Variants in SPC25 observed in about 807,000 individuals in gnomAD.
SPC25 encodes kinetochore protein Spc25.
SPC25 carries 22 observed loss-of-function variants against 29.6 expected under a neutral mutation model. The observed-to-expected ratio is 0.74, with a 90% CI of 0.53 to 1.06. The LOEUF (loss-of-function observed/expected upper bound fraction) is 1.06, where lower values mean the gene tolerates loss of function less well. SPC25 is among the 50% of genes least tolerant of loss of function. SPC25 has a pLI of 0.00. For synonymous variants in SPC25, 91 were observed against 90.4 expected (o/e 1.01, Z -0.04); for missense variants, 230 against 255.8 (o/e 0.90, Z 0.69).
intron 3 of SPC25, among the ~76,000 whole-genome samples, chr2:168,887,983 A>C (rs1034007060): frequency 3.9e-5 from 6 of 152,242 alleles, no homozygotes; most frequent in African/African-American, 1.4e-4. Context: ...AACATTCAAA[A>C]ACACAATACT....
chr2:168,865,668 G>A (rs1030426157), intron 4 of SPC25, among the ~76,000 whole-genome samples: 4 of 152,156 alleles, frequency 2.6e-5, no homozygotes, highest in Admixed American at 2.0e-4. Context: ...TAGGAAAAGA[G>A]GAAGTCAAAT....
downstream of SPC25, among the ~76,000 whole-genome samples, chr2:168,868,340 G>A (rs550360445): frequency 1.1e-3 from 163 of 152,164 alleles, no homozygotes; most frequent in African/African-American, 3.7e-3. Context: ...CAAAAGGCAA[G>A]AAATAACTAA....
downstream of SPC25, among the ~76,000 whole-genome samples, chr2:168,867,332 G>A (rs899592294): frequency 2.0e-5 from 3 of 152,042 alleles, no homozygotes; most frequent in East Asian, 1.9e-4. Flanking sequence ...ATCAACTAAC[G>A]AGCAAAATAA....
At chr2:168,873,467 A>G in intron 6 of SPC25, 118 bp downstream of exon 6, 4 of 663,506 alleles carry the variant, frequency 6.0e-6, no homozygotes, top group South Asian at 3.7e-5. Context: ...AGCAAGACTG[A>G]AAAAGGAAGC....
chr2:168,886,111 T>C (rs1690257983), intron 3 of SPC25, among the ~76,000 whole-genome samples: 3 of 137,714 alleles, frequency 2.2e-5, no homozygotes, highest in Non-Finnish European at 3.0e-5. Flanking sequence ...TGGAGTGAAG[T>C]GGCATGATCA....
chr2:168,875,936 A>T (rs989287653), intron 5 of SPC25, 136 bp downstream of exon 5: 74 of 464,640 alleles, frequency 1.6e-4, no homozygotes, highest in Non-Finnish European at 2.3e-4. Flanking sequence ...TAATTTAAAA[A>T]TTGTAATTTT....
At chr2:168,886,581 G>A (rs1429276970) in intron 3 of SPC25, among the ~76,000 whole-genome samples, 2 of 150,516 alleles carry the variant, frequency 1.3e-5, no homozygotes, top group African/African-American at 2.5e-5. Context: ...GTGCAGTGGC[G>A]CGATCTGGGC....
At chr2:168,863,582 T>C (rs1292081481) in intron 4 of SPC25, 1 of 984,956 alleles carries the variant, frequency 1.0e-6, no homozygotes, top group Non-Finnish European at 1.2e-6. Flanking sequence ...AAAAATATTG[T>C]CTCCAAATTG....
intron 3 of SPC25, among the ~76,000 whole-genome samples, chr2:168,888,992 T>TAC (rs1690328498): frequency 9.2e-6 from 1 of 109,074 alleles, no homozygotes; most frequent in Admixed American, 9.1e-5. Flanking sequence ...CATATATATG[T>TAC]ATATATATAC....
At chr2:168,872,775 GA>G (rs1294645596) in intron 6 of SPC25, among the ~76,000 whole-genome samples, 3 of 151,998 alleles carry the variant, frequency 2.0e-5, no homozygotes, top group Admixed American at 6.6e-5. Context: ...TATCTAGAGA[GA>G]AAAAAACCCA....
chr2:168,870,017 C>A (rs1439141763), downstream of SPC25, among the ~76,000 whole-genome samples: 3 of 152,104 alleles, frequency 2.0e-5, no homozygotes. Flanking sequence ...AGATATAGAC[C>A]AATGGAACAG....
chr2:168,865,053 TTA>T, intron 4 of SPC25: 1 of 1,452,366 alleles, frequency 6.9e-7, no homozygotes, highest in Non-Finnish European at 9.4e-7. Flanking sequence ...GCTCTTACCT[TTA>T]CATGTTTTTC....
chr2:168,868,679 G>A (rs201459689), downstream of SPC25, among the ~76,000 whole-genome samples: 17 of 152,090 alleles, frequency 1.1e-4, no homozygotes, highest in East Asian at 5.8e-4. Flanking sequence ...CTCTGAATAG[G>A]CCAATAACAG....
At chr2:168,890,019 A>C (rs1252869754) in intron 1 of SPC25, among the ~76,000 whole-genome samples, 1 of 152,130 alleles carries the variant, frequency 6.6e-6, no homozygotes, top group Non-Finnish European at 1.5e-5. Context: ...TCGAGGATGT[A>C]TACAAGTCAC....
chr2:168,885,545 T>C (rs560324247), intron 3 of SPC25, among the ~76,000 whole-genome samples: 3 of 152,296 alleles, frequency 2.0e-5, no homozygotes, highest in South Asian at 2.1e-4. Context: ...TTGCACAACA[T>C]GGAATGTCCA....
intron 4 of SPC25, chr2:168,865,095 G>A (rs1256229142): frequency 9.2e-6 from 9 of 977,104 alleles, no homozygotes; most frequent in Non-Finnish European, 1.0e-5. Flanking sequence ...CTACCTGCAT[G>A]TCACAGCACT....
chr2:168,863,301 C>A, intron 4 of SPC25: 1 of 600,854 alleles, frequency 1.7e-6, no homozygotes, highest in Non-Finnish European at 2.1e-6. Context: ...AGAATAATGT[C>A]CTTTAAGAAT....
chr2:168,865,145 G>A, intron 4 of SPC25: 1 of 697,934 alleles, frequency 1.4e-6, no homozygotes, highest in Non-Finnish European at 2.3e-6. Context: ...TCAGAAAAAA[G>A]ATGGATGGGT....
chr2:168,886,403 T>C (rs1316793592), intron 3 of SPC25, among the ~76,000 whole-genome samples: 2 of 152,048 alleles, frequency 1.3e-5, no homozygotes, highest in African/African-American at 4.8e-5. Flanking sequence ...CCCCACAATA[T>C]TGTGAGTAGA....
Sources: allele counts gnomAD v4.1 joint callset (sites outside exome capture counted in the v4.1 genomes callset), GRCh38; gene constraint gnomAD v4.1.1; transcripts MANE v1.5; gene names NCBI Gene and HGNC (gene_info 2026-07-23, HGNC 2026-07-21).